FAM171A1: variants seen among roughly 807,000 people sequenced by gnomAD.
The protein encoded by FAM171A1 is protein FAM171A1.
A neutral mutation model predicts 74.9 loss-of-function variants in FAM171A1; 23 were observed. That is an observed-to-expected ratio of 0.31 (90% CI 0.22 to 0.44). The LOEUF (loss-of-function observed/expected upper bound fraction) is 0.44, where lower values mean the gene tolerates loss of function less well. Ranked by LOEUF, FAM171A1 falls within the 20% of genes least tolerant of loss-of-function variation. FAM171A1 has a pLI of 1.00. For missense variants in FAM171A1, 1,162 were observed against 1,159.2 expected (o/e 1.00, Z -0.03); for synonymous variants, 527 against 505.7 (o/e 1.04, Z -0.57).
chr10:15,248,618 C>T (rs367986220), intron 5 of FAM171A1, 21 bp downstream of exon 5: 342 of 1,566,978 alleles, frequency 2.2e-4, no homozygotes, highest in Non-Finnish European at 2.8e-4. Flanking sequence ...AGCCGATTGT[C>T]GGCACAGAAC....
intron 5 of FAM171A1, among the ~76,000 whole-genome samples, chr10:15,248,108 G>A (rs899873376): frequency 6.6e-6 from 1 of 152,172 alleles, no homozygotes; most frequent in African/African-American, 2.4e-5. Flanking sequence ...CTAACTTTTA[G>A]GGTGGTGTTA....
In FAM171A1 at chr10:15,328,785, T is replaced by C. The variant is rs562486313; in HGVS notation, c.97+42171A>G. Among the ~76,000 whole-genome samples, 17 of 152,270 alleles carry C rather than the reference T, an allele frequency of 1.1e-4. No homozygotes were observed. In the South Asian group the frequency reaches 3.3e-3, roughly 30 times the overall value. ...CCTGGCAACCATCCTTACCTCAAGTTTTAGGCCCCACCAAATACAGGTATC... is the reference window on the plus strand; with the variant it reads ...CCTGGCAACCATCCTTACCTCAAGTCTTAGGCCCCACCAAATACAGGTATC... On this transcript the variant is annotated intron_variant, in intron 1 of 7. Coordinates refer to ENST00000378116, the MANE Select transcript of FAM171A1 (RefSeq NM_001010924.2).
chr10:15,302,898 C>G (rs1835249050), intron 1 of FAM171A1, among the ~76,000 whole-genome samples: 1 of 152,120 alleles, frequency 6.6e-6, no homozygotes, highest in African/African-American at 2.4e-5. Flanking sequence ...CTTAAAATGT[C>G]TTGATTAAGG....
intron 1 of FAM171A1, among the ~76,000 whole-genome samples, chr10:15,305,904 G>T (rs1835288963): frequency 1.3e-5 from 2 of 152,198 alleles, no homozygotes; most frequent in Non-Finnish European, 2.9e-5. Flanking sequence ...GACAGACATA[G>T]GAGGAAGACT....
At chr10:15,324,708 A>G (rs1250436383) in intron 1 of FAM171A1, among the ~76,000 whole-genome samples, 1 of 152,082 alleles carries the variant, frequency 6.6e-6, no homozygotes, top group African/African-American at 2.4e-5. Flanking sequence ...AGCGTGGATT[A>G]AACAGCCTTA....
At chr10:15,256,540 T>C (rs1214128451) in intron 3 of FAM171A1, among the ~76,000 whole-genome samples, 1 of 152,164 alleles carries the variant, frequency 6.6e-6, no homozygotes, top group Admixed American at 6.5e-5. Flanking sequence ...CTAACTCCGG[T>C]CATCTCTGCT....
chr10:15,255,424 A>G (rs1487928512), intron 3 of FAM171A1, among the ~76,000 whole-genome samples: 2 of 152,138 alleles, frequency 1.3e-5, no homozygotes, highest in African/African-American at 2.4e-5. Flanking sequence ...TTTCTGTGGG[A>G]GCTGCCATTT....
rs138379741 is a variant in FAM171A1, at chr10:15,251,303, G to C, written c.578-2488C>G. ...TGTGGGGAATTATATCTGCCTTCTT[G>C]AGGCCTCTTTCCTCCCTCAGGGCTT... is the stretch of plus-strand genomic sequence containing the variant. On this transcript the variant is annotated intron_variant, in intron 4 of 7. Transcript: ENST00000378116. Among the ~76,000 whole-genome samples the C allele has an allele frequency of 6.2e-3, 944 of 152,126 alleles. 7 individuals carry two copies. The highest frequency in any genetic ancestry group is 0.021 in the African/African-American group (872 of 41,484).
rs145980328 is a variant in FAM171A1 at position 15,262,652 on chromosome 10, G to T, written c.419-7773C>A. ...CCTGGCAAGGGGAGGTATCTCCAAGGTTCGGGAGAAGATTGTGACTTGAAG... is the reference window on the plus strand; with the variant it reads ...CCTGGCAAGGGGAGGTATCTCCAAGTTTCGGGAGAAGATTGTGACTTGAAG... On this transcript the variant is annotated intron_variant, in intron 3 of 7. Coordinates refer to ENST00000378116, the MANE Select transcript of FAM171A1 (RefSeq NM_001010924.2). Among the ~76,000 whole-genome samples the T allele has an allele frequency of 2.6e-5, 4 of 152,330 alleles. No individual in the cohort carries two copies. In the East Asian group the frequency reaches 5.8e-4, roughly 22 times the overall value.
At chr10:15,370,721 C>T (rs1362597864) in intron 1 of FAM171A1, among the ~76,000 whole-genome samples, 1 of 149,778 alleles carries the variant, frequency 6.7e-6, no homozygotes, top group Non-Finnish European at 1.5e-5. Context: ...CCCGCCCGAC[C>T]CAGCCCCCGA....
intron 1 of FAM171A1, among the ~76,000 whole-genome samples, chr10:15,324,837 A>G (rs1032795925): frequency 7.2e-5 from 11 of 152,246 alleles, no homozygotes; most frequent in African/African-American, 2.7e-4. Flanking sequence ...TCACGGATTC[A>G]GTAACATATC....
chr10:15,219,225 T>C (rs1834005388), intron 6 of FAM171A1, among the ~76,000 whole-genome samples: 1 of 152,042 alleles, frequency 6.6e-6, no homozygotes, highest in Admixed American at 6.6e-5. Context: ...GAGGTGGCCA[T>C]GAGCTGAGAT....
At chr10:15,293,671 A>G (rs1374547439) in intron 1 of FAM171A1, among the ~76,000 whole-genome samples, 5 of 152,228 alleles carry the variant, frequency 3.3e-5, no homozygotes, top group Non-Finnish European at 7.3e-5. Flanking sequence ...GGGGATCATC[A>G]AAAGATTTAA....
intron 1 of FAM171A1, among the ~76,000 whole-genome samples, chr10:15,331,537 G>C (rs1314568688): frequency 6.6e-6 from 1 of 152,002 alleles, no homozygotes; most frequent in Non-Finnish European, 1.5e-5. Flanking sequence ...TTGAGAAACA[G>C]GCATTCTGGA....
rs1337739608 is a variant in FAM171A1, at chr10:15,371,274, G to T, written c.-222C>A. On this transcript the variant is annotated 5_prime_UTR_variant, in exon 1 of 8. Transcript: ENST00000378116. ...GGCGGCGGCGGCGGCGGCTGCTGCTGCTCCGCCAGCTCCTTAACCCCTTCC... is the reference window on the plus strand; with the variant it reads ...GGCGGCGGCGGCGGCGGCTGCTGCTTCTCCGCCAGCTCCTTAACCCCTTCC... 3.5e-5 allele frequency among the ~76,000 whole-genome samples: 5 copies of T among 144,444 alleles called. No homozygotes were observed. The highest frequency in any genetic ancestry group is 1.2e-4 in the African/African-American group (5 of 40,266). 94.8% of individuals were successfully genotyped at this position (144,444 alleles called of 152,430 possible). A position where few individuals can be genotyped will look rare whatever the true frequency, so the allele number is the denominator to read the frequency against.
intron 1 of FAM171A1, among the ~76,000 whole-genome samples, chr10:15,369,832 C>A (rs1319871419): frequency 6.6e-6 from 1 of 152,236 alleles, no homozygotes; most frequent in East Asian, 1.9e-4. Context: ...GCAGGGCCAA[C>A]TTTGCAGGAC....
intron 1 of FAM171A1, among the ~76,000 whole-genome samples, chr10:15,368,995 AAAGG>A (rs1435090762): frequency 6.6e-6 from 1 of 152,152 alleles, no homozygotes; most frequent in Non-Finnish European, 1.5e-5. Context: ...AGATAACAAC[AAAGG>A]AAGTAATCCA....
At chr10:15,317,854 G>A (rs1397312670) in intron 1 of FAM171A1, among the ~76,000 whole-genome samples, 1 of 151,894 alleles carries the variant, frequency 6.6e-6, no homozygotes, top group Admixed American at 6.6e-5. Context: ...GCAGTGGCAC[G>A]ATCATGGCTT....
At chr10:15,335,916 A>G (rs1185970463) in intron 1 of FAM171A1, among the ~76,000 whole-genome samples, 1 of 152,190 alleles carries the variant, frequency 6.6e-6, no homozygotes, top group Non-Finnish European at 1.5e-5. Context: ...TTTATCTTCT[A>G]CCTAGAGTCA....
Sources: gnomAD v4.1 joint callset for allele counts (sites outside exome capture counted in the v4.1 genomes callset) on GRCh38, gnomAD v4.1.1 for gene constraint, MANE v1.5 for transcripts, NCBI Gene and HGNC (gene_info 2026-07-23, HGNC 2026-07-21) for gene names.